EPC2: variants seen among roughly 807,000 people sequenced by gnomAD.
The protein encoded by EPC2 is enhancer of polycomb homolog 2.
A neutral mutation model predicts 92.1 loss-of-function variants in EPC2; 14 were observed. The ratio of observed to expected loss-of-function variants is 0.15; its 90% CI spans 0.10 to 0.24. The LOEUF (loss-of-function observed/expected upper bound fraction) is 0.24, where lower values mean the gene tolerates loss of function less well. EPC2 is among the 10% of genes least tolerant of loss of function. The pLI, the probability that EPC2 is intolerant of heterozygous loss-of-function variation, is 1.00. For missense variants in EPC2, 755 were observed against 971.5 expected (o/e 0.78, Z 2.96); for synonymous variants, 340 against 334.7 (o/e 1.02, Z -0.17).
chr2:148,716,944 A>G (rs1267193791), intron 2 of EPC2, among the ~76,000 whole-genome samples: 1 of 152,088 alleles, frequency 6.6e-6, no homozygotes, highest in African/African-American at 2.4e-5. Flanking sequence ...TTAGGGATTC[A>G]GTTTCTTCCT....
At chr2:148,772,019 G>A (rs907439562) in intron 10 of EPC2, among the ~76,000 whole-genome samples, 7 of 151,926 alleles carry the variant, frequency 4.6e-5, no homozygotes, top group African/African-American at 1.2e-4. Context: ...GGCCAGTCTC[G>A]AAATCCTGAC....
chr2:148,751,870 A>T (rs1207125985), intron 3 of EPC2, among the ~76,000 whole-genome samples: 1 of 152,066 alleles, frequency 6.6e-6, no homozygotes, highest in Non-Finnish European at 1.5e-5. Flanking sequence ...TAAAATAGAA[A>T]GTTGCTTTAT....
intron 2 of EPC2, among the ~76,000 whole-genome samples, chr2:148,715,904 A>T (rs577893394): frequency 6.6e-6 from 1 of 152,276 alleles, no homozygotes; most frequent in Non-Finnish European, 1.5e-5. Context: ...TTCTTTGAGC[A>T]GTGGTTTATA....
In EPC2 at chr2:148,782,658, T is replaced by G. The variant is rs141084728; in HGVS notation, c.1857+878T>G. Among the ~76,000 whole-genome samples the G allele has an allele frequency of 3.9e-5, 6 of 152,286 alleles. No individual in the cohort carries two copies. In the East Asian group the frequency reaches 1.2e-3, roughly 29 times the overall value. ...TAGAGATAAGAATAAAAATACTTCA[T>G]AAAACCATAATTGCCAGAAGGAACC... On this transcript the variant is annotated intron_variant, in intron 11 of 13. Transcript: ENST00000258484.
chr2:148,718,438 A>G (rs1245993577), intron 2 of EPC2, among the ~76,000 whole-genome samples: 2 of 152,158 alleles, frequency 1.3e-5, no homozygotes, highest in African/African-American at 4.8e-5. Context: ...CCTGATGGTG[A>G]TGAATTCCCT....
At chr2:148,707,944 A>G (rs982286370) in intron 2 of EPC2, among the ~76,000 whole-genome samples, 27 of 152,332 alleles carry the variant, frequency 1.8e-4, no homozygotes, top group African/African-American at 5.1e-4. Context: ...AGAACTAGAG[A>G]AGCAAGAGCA....
At chr2:148,736,986 T>C (rs920787761) in intron 2 of EPC2, among the ~76,000 whole-genome samples, 1 of 151,810 alleles carries the variant, frequency 6.6e-6, no homozygotes, top group Non-Finnish European at 1.5e-5. Context: ...TCTGTAGTCC[T>C]AGCTACTTGG....
intron 1 of EPC2, among the ~76,000 whole-genome samples, chr2:148,689,075 A>T (rs1239762934): frequency 6.6e-6 from 1 of 152,234 alleles, no homozygotes; most frequent in Non-Finnish European, 1.5e-5. Flanking sequence ...GACCGTTTGG[A>T]TATATAGAAA....
intron 7 of EPC2, among the ~76,000 whole-genome samples, chr2:148,768,647 C>T (rs912423569): frequency 6.6e-6 from 1 of 152,016 alleles, no homozygotes; most frequent in African/African-American, 2.4e-5. Flanking sequence ...CAAGACTTTC[C>T]TTTGAATAAA....
chr2:148,753,183 G>A (rs1683111431), intron 3 of EPC2, among the ~76,000 whole-genome samples: 1 of 152,154 alleles, frequency 6.6e-6, no homozygotes, highest in Admixed American at 6.5e-5. Flanking sequence ...AGATGTGTCA[G>A]CATTATGCTG....
At chr2:148,652,124 G>A (rs1402436497) in intron 1 of EPC2, among the ~76,000 whole-genome samples, 1 of 152,112 alleles carries the variant, frequency 6.6e-6, no homozygotes, top group Non-Finnish European at 1.5e-5. Flanking sequence ...GCTTGCATCA[G>A]GTATCTACCT....
At chr2:148,752,505 ACT>A (rs1333287006) in intron 3 of EPC2, among the ~76,000 whole-genome samples, 2 of 152,062 alleles carry the variant, frequency 1.3e-5, no homozygotes, top group African/African-American at 4.8e-5. Context: ...TATTTTCCAG[ACT>A]CTGGCTATCC....
intron 1 of EPC2, among the ~76,000 whole-genome samples, chr2:148,659,040 G>C (rs1680881238): frequency 6.6e-6 from 1 of 151,952 alleles, no homozygotes; most frequent in Non-Finnish European, 1.5e-5. Flanking sequence ...GAAAACTAGA[G>C]ACAAAACTAG....
intron 1 of EPC2, among the ~76,000 whole-genome samples, chr2:148,647,697 A>G (rs1221449388): frequency 2.3e-5 from 3 of 131,806 alleles, no homozygotes; most frequent in Non-Finnish European, 4.6e-5. Flanking sequence ...CAGTGGCGCG[A>G]TCTCAGCTCA....
intron 2 of EPC2, among the ~76,000 whole-genome samples, chr2:148,708,642 C>T (rs1682062387): frequency 6.6e-6 from 1 of 152,174 alleles, no homozygotes; most frequent in South Asian, 2.1e-4. Flanking sequence ...AAAGCTTATC[C>T]ACCAATATCA....
Position 148,743,701 on chromosome 2 carries a change from G to T in EPC2, c.393G>T (p.Lys131Asn), listed in dbSNP as rs754599309. Residue 131 changes from lysine (K) to asparagine (N), a missense_variant, in exon 3 of 14, where the codon AAG becomes AAT. Coordinates refer to ENST00000258484, the MANE Select transcript of EPC2 (RefSeq NM_015630.4). ...DETLLNRLNR[K>N]MEIKPLQFEI... The stretch of plus-strand genomic sequence containing the variant: ...CTTTATTAAATAGACTTAACAGAAA[G>T]ATGGAAATTAAGCCTTTGCAATTTG... The T allele has an allele frequency of 6.2e-7, 1 of 1,607,266 alleles. No individual in the cohort carries two copies. Among genetic ancestry groups the T allele is most frequent in the Non-Finnish European group, 8.5e-7 (1 of 1,177,006 alleles).
chr2:148,649,894 A>G (rs1162169849), intron 1 of EPC2, among the ~76,000 whole-genome samples: 1 of 152,236 alleles, frequency 6.6e-6, no homozygotes, highest in Non-Finnish European at 1.5e-5. Flanking sequence ...AATTATTAAG[A>G]AGTGTAGTTT....
chr2:148,705,335 G>T (rs1213258413), intron 2 of EPC2, among the ~76,000 whole-genome samples: 1 of 152,144 alleles, frequency 6.6e-6, no homozygotes, highest in Admixed American at 6.5e-5. Context: ...AACAGTAGTT[G>T]AGTGATGATA....
At chr2:148,779,885 C>G (rs576972200) in intron 10 of EPC2, among the ~76,000 whole-genome samples, 5 of 152,278 alleles carry the variant, frequency 3.3e-5, no homozygotes, top group South Asian at 2.1e-4. Flanking sequence ...AATTGGTGCA[C>G]TGTACACATG....
Sources: allele counts gnomAD v4.1 joint callset (sites outside exome capture counted in the v4.1 genomes callset), GRCh38; gene constraint gnomAD v4.1.1; transcripts MANE v1.5; gene names NCBI Gene and HGNC (gene_info 2026-07-23, HGNC 2026-07-21).